The following GTF3C1 variants were observed in gnomAD, a reference collection of about 807,000 sequenced individuals.
GTF3C1 encodes the protein general transcription factor IIIC subunit 1, also known as general transcription factor 3C polypeptide 1.
In GTF3C1, 57 loss-of-function variants were observed where a neutral mutation model predicts 226.7. The ratio of observed to expected loss-of-function variants is 0.25; its 90% CI spans 0.20 to 0.31. The LOEUF (loss-of-function observed/expected upper bound fraction) is 0.31, where lower values mean the gene tolerates loss of function less well. Ranked by LOEUF, GTF3C1 falls within the 10% of genes least tolerant of loss-of-function variation. GTF3C1 has a pLI of 1.00. For synonymous variants in GTF3C1, 1,090 were observed against 1,084.8 expected (o/e 1.00, Z -0.09); for missense variants, 2,217 against 2,776.1 (o/e 0.80, Z 4.53).
chr16:27,538,013 G>T, intron 3 of GTF3C1, 86 bp from the exon 4 acceptor site: 1 of 1,447,366 alleles, frequency 6.9e-7, no homozygotes, highest in Non-Finnish European at 9.5e-7. Context: ...AAACACCAGA[G>T]ACACAAACCT....
rs1203875776 is a variant in GTF3C1 at position 27,511,884 on chromosome 16, G to A, written c.991C>T (p.Arg331Trp). 9 of 1,613,906 alleles carry A rather than the reference G, an allele frequency of 5.6e-6. No individual in the cohort carries two copies. The Admixed American group carries it at 1.2e-4, about 21-fold the overall frequency. ...AATTCCTTCAGCAGCTTGAGGCACC[G>A]AACCATGACGTCGGTCCCTGGCAAC... ...KTKKGTDVMV[R>W]CLKLLKEFKR... The change falls in exon 7 of 37, where the codon CGG (arginine) becomes TGG (tryptophan). Residue 331 changes from arginine to tryptophan, a missense_variant. Arg to Trp is a moderately radical substitution (Grantham distance 101, BLOSUM62 -3). This residue lies in a region of GTF3C1 where 163 missense variants were observed against 234.3 expected (regional missense o/e 0.70). Transcript: ENST00000356183.
At chr16:27,477,515 G>A (rs1215814670) in intron 28 of GTF3C1, among the ~76,000 whole-genome samples, 2 of 152,162 alleles carry the variant, frequency 1.3e-5, no homozygotes, top group Non-Finnish European at 2.9e-5. Context: ...ATGTTGGCCA[G>A]GCTGGCCTTG....
intron 16 of GTF3C1, 92 bp from the exon 17 acceptor site, chr16:27,493,388 T>C (rs949494494): frequency 4.1e-6 from 3 of 731,482 alleles, no homozygotes; most frequent in Admixed American, 3.8e-5. Flanking sequence ...TTTCTGACCA[T>C]AGTCTCCCTG....
intron 6 of GTF3C1, among the ~76,000 whole-genome samples, chr16:27,514,439 G>A (rs895872119): frequency 2.6e-5 from 4 of 152,152 alleles, no homozygotes; most frequent in Non-Finnish European, 5.9e-5. Flanking sequence ...CACTGGGACA[G>A]GGTCACAGTG....
At chr16:27,494,980 T>C (rs1293045121) in intron 15 of GTF3C1, 72 bp from the exon 16 acceptor site, 3 of 1,365,506 alleles carry the variant, frequency 2.2e-6, no homozygotes, top group Admixed American at 1.8e-5. Context: ...GGTAACGTCA[T>C]CTCCCAGGAG....
At position 27,463,421 on chromosome 16, in the gene GTF3C1, G is replaced by A. The variant is rs1020952987; in HGVS notation, c.5924+120C>T. 14 of 704,902 alleles carry A rather than the reference G, an allele frequency of 2.0e-5. No homozygotes were observed. The highest frequency in any genetic ancestry group is 6.5e-5 in the South Asian group (4 of 61,882). The allele number at this position is 704,902 out of a possible 1,614,324, so 43.7% of individuals were successfully genotyped here. A position where few individuals can be genotyped will look rare whatever the true frequency, so the allele number is the denominator to read the frequency against. ...TACCCCTGCCAAGAACCAAGGTGCC[G>A]GGCAGGCTGTCAGAGCTGGTACCTG... On this transcript the variant is annotated intron_variant, in intron 35 of 36. Transcript: ENST00000356183. This position sits in a 1 kb window ranked among gnomAD's most constrained non-coding sequence, Gnocchi z 4.9.
chr16:27,501,009 G>C (rs1456063645), intron 12 of GTF3C1, among the ~76,000 whole-genome samples, 182 bp downstream of exon 12: 1 of 152,192 alleles, frequency 6.6e-6, no homozygotes, highest in African/African-American at 2.4e-5. Flanking sequence ...TACAATCCTA[G>C]CAAGTTTTTG....
intron 32 of GTF3C1, chr16:27,466,023 T>C (rs2087781922): frequency 5.9e-6 from 1 of 168,970 alleles, no homozygotes; most frequent in African/African-American, 2.4e-5. Flanking sequence ...TCCTATAGAA[T>C]ATGTCTCTGC....
At chr16:27,476,279 G>T (rs1162391957) in intron 29 of GTF3C1, among the ~76,000 whole-genome samples, 172 bp downstream of exon 29, 1 of 152,118 alleles carries the variant, frequency 6.6e-6, no homozygotes, top group Non-Finnish European at 1.5e-5. Context: ...TAAACACAAA[G>T]AAATAAAAAT....
intron 6 of GTF3C1, among the ~76,000 whole-genome samples, chr16:27,524,342 C>CAATACA (rs2088798429): frequency 6.6e-5 from 10 of 152,202 alleles, no homozygotes; most frequent in African/African-American, 2.4e-4. Context: ...TCAATACAAA[C>CAATACA]AAACACTGTG....
Position 27,537,944 on chromosome 16 carries a change from G to A in GTF3C1, c.609-17C>T. The A allele has an allele frequency of 1.2e-6, 2 of 1,611,802 alleles. No individual in the cohort carries two copies. The highest frequency in any genetic ancestry group is 1.7e-6 in the Non-Finnish European group (2 of 1,179,088). On this transcript the variant is annotated splice_polypyrimidine_tract_variant and intron_variant, in intron 3 of 36. Coordinates refer to ENST00000356183, the MANE Select transcript of GTF3C1 (RefSeq NM_001520.4). ...GCATCAACCCTGGAGGAAAAGAGGA[G>A]CCATGTCATTTGCTTTGCTGGTAGT...
intron 15 of GTF3C1, 43 bp downstream of exon 15, chr16:27,495,168 G>A: frequency 2.7e-6 from 4 of 1,475,666 alleles, no homozygotes; most frequent in Non-Finnish European, 3.8e-6. Flanking sequence ...TCCTACTACT[G>A]GGCCTGCCCG....
chr16:27,534,976 T>A (rs1184174711), intron 4 of GTF3C1, among the ~76,000 whole-genome samples: 2 of 151,902 alleles, frequency 1.3e-5, no homozygotes, highest in African/African-American at 2.4e-5. Flanking sequence ...ATTAAAAAAA[T>A]TAAGAAAAAG....
intron 2 of GTF3C1, 129 bp from the exon 3 acceptor site, chr16:27,538,485 A>C (rs1215113923): frequency 1.7e-6 from 1 of 571,952 alleles, no homozygotes; most frequent in African/African-American, 1.9e-5. Flanking sequence ...CCCAAAATTA[A>C]GTTAAGCAAG....
intron 6 of GTF3C1, among the ~76,000 whole-genome samples, chr16:27,517,483 T>C (rs1228407965): frequency 6.6e-6 from 1 of 152,172 alleles, no homozygotes; most frequent in African/African-American, 2.4e-5. Flanking sequence ...ACTTGGCTAA[T>C]GGCAACCCCT....
chr16:27,483,246 AT>A, intron 25 of GTF3C1, 121 bp from the exon 26 acceptor site: 1 of 897,492 alleles, frequency 1.1e-6, no homozygotes. Flanking sequence ...TGAGTTACTT[AT>A]ATGCCTGTTG....
chr16:27,522,314 T>C (rs935735169), intron 6 of GTF3C1, among the ~76,000 whole-genome samples: 14 of 152,270 alleles, frequency 9.2e-5, no homozygotes, highest in Admixed American at 2.6e-4. Flanking sequence ...TCCCCCATTA[T>C]GGACTTTCCT....
intron 23 of GTF3C1, among the ~76,000 whole-genome samples, chr16:27,487,463 T>G (rs1212562568): frequency 6.6e-6 from 1 of 152,166 alleles, no homozygotes. Context: ...AAAATGGCAG[T>G]CTAAAAGGCA....
intron 4 of GTF3C1, among the ~76,000 whole-genome samples, chr16:27,536,776 A>G (rs1456741737): frequency 6.6e-6 from 1 of 152,074 alleles, no homozygotes. Context: ...GGGCTTCCTC[A>G]GCTAAGGGCT....
Sources: allele counts gnomAD v4.1 joint callset (sites outside exome capture counted in the v4.1 genomes callset), GRCh38; gene constraint gnomAD v4.1.1; regional missense constraint gnomAD v4.1.1; non-coding constraint Gnocchi (gnomAD v3.1); transcripts MANE v1.5; gene names NCBI Gene and HGNC (gene_info 2026-07-23, HGNC 2026-07-21).